Variants in ZNF654 observed in about 807,000 individuals in gnomAD.
The protein encoded by ZNF654 is melanoma-associated antigen.
In ZNF654, 19 loss-of-function variants were observed where a neutral mutation model predicts 95.3. The observed-to-expected ratio is 0.20, with a 90% confidence interval of 0.14 to 0.29. The LOEUF is 0.29. Among genes scored for constraint, ZNF654 ranks in the 10% least tolerant of loss-of-function variants. The probability of loss-of-function intolerance (pLI) is 1.00; values close to 1 mark genes in which losing one functional copy is unlikely to be tolerated. For synonymous variants in ZNF654, 413 were observed against 457.9 expected, an observed-to-expected ratio of 0.90 and a Z score of 1.25; for missense variants, 1,046 against 1,341.0, an observed-to-expected ratio of 0.78 and a Z score of 3.44.
rs1490429208 is a variant in ZNF654 at position 88,141,696 on chromosome 3, A to C, written c.*44A>C. The stretch of plus-strand genomic sequence containing the variant: ...ATCTGTCAATCAAGCAGTAGTGTGA[A>C]AAAAGCACTATAAGAAAATGCATCA... On this transcript the variant is annotated 3_prime_UTR_variant, in exon 9 of 9. Transcript: ENST00000636215. 2 of 1,446,112 alleles carry C rather than the reference A, an allele frequency of 1.4e-6. No individual in the cohort carries two copies. The highest frequency in any genetic ancestry group is 1.9e-6 in the Non-Finnish European group (2 of 1,073,428). 89.6% of individuals were successfully genotyped at this position (1,446,112 alleles called of 1,614,324 possible). A position where few individuals can be genotyped will look rare whatever the true frequency, so the allele number is the denominator to read the frequency against.
intron 1 of ZNF654, among the ~76,000 whole-genome samples, chr3:88,061,760 T>C (rs1397232470): frequency 6.6e-6 from 1 of 152,168 alleles, no homozygotes; most frequent in Non-Finnish European, 1.5e-5. Context: ...TTTTTAAAAA[T>C]TTGGTTTTCT....
chr3:88,132,670 C>T (rs1706535147), intron 6 of ZNF654, among the ~76,000 whole-genome samples: 1 of 152,208 alleles, frequency 6.6e-6, no homozygotes, highest in Non-Finnish European at 1.5e-5. Context: ...TAGGATATTG[C>T]AGTGTACCTA....
chr3:88,116,732 A>C (rs1467075461), intron 3 of ZNF654, among the ~76,000 whole-genome samples: 1 of 152,096 alleles, frequency 6.6e-6, no homozygotes, highest in South Asian at 2.1e-4. Flanking sequence ...CAGAGGTAAG[A>C]AAGTCTTATA....
At chr3:88,076,380 C>G (rs1294435487) in intron 1 of ZNF654, among the ~76,000 whole-genome samples, 6 of 152,038 alleles carry the variant, frequency 3.9e-5, no homozygotes, top group Admixed American at 3.9e-4. Flanking sequence ...TTTTTTTTCC[C>G]CATTTTCATC....
intron 1 of ZNF654, among the ~76,000 whole-genome samples, chr3:88,069,994 A>T (rs1047119190): frequency 2.6e-5 from 4 of 152,188 alleles, no homozygotes; most frequent in Admixed American, 2.6e-4. Flanking sequence ...TCGTACTGTC[A>T]TTTGACAAAT....
intron 6 of ZNF654, among the ~76,000 whole-genome samples, chr3:88,134,764 T>C (rs1211509204): frequency 6.6e-6 from 1 of 152,078 alleles, no homozygotes; most frequent in East Asian, 1.9e-4. Flanking sequence ...AATATCAGTA[T>C]TGGCACATTA....
At chr3:88,090,824 C>A (rs1708593298) in intron 2 of ZNF654, among the ~76,000 whole-genome samples, 1 of 152,036 alleles carries the variant, frequency 6.6e-6, no homozygotes, top group Admixed American at 6.6e-5. Flanking sequence ...TTGGCCCATA[C>A]ATAAAATACA....
intron 2 of ZNF654, 66 bp downstream of exon 2, chr3:88,086,468 T>C (rs1261885939): frequency 3.8e-5 from 49 of 1,292,436 alleles, no homozygotes; most frequent in Non-Finnish European, 4.7e-5. Flanking sequence ...TTGTTTTTGA[T>C]AATTTCTTCT....
intron 2 of ZNF654, among the ~76,000 whole-genome samples, chr3:88,103,175 T>TA (rs1313222597): frequency 6.6e-6 from 1 of 152,014 alleles, no homozygotes. Flanking sequence ...CATTTTTTTT[T>TA]AAAAAAGAGA....
intron 1 of ZNF654, among the ~76,000 whole-genome samples, chr3:88,067,951 T>C (rs1707295137): frequency 6.6e-6 from 1 of 152,026 alleles, no homozygotes; most frequent in Non-Finnish European, 1.5e-5. Flanking sequence ...AATGATCCAT[T>C]TGAAAGGAAG....
At chr3:88,090,053 A>G (rs1708552446) in intron 2 of ZNF654, among the ~76,000 whole-genome samples, 1 of 152,206 alleles carries the variant, frequency 6.6e-6, no homozygotes, top group African/African-American at 2.4e-5. Flanking sequence ...ATATAGAATT[A>G]TACATATAAT....
intron 1 of ZNF654, among the ~76,000 whole-genome samples, chr3:88,083,405 C>T (rs868695002): frequency 2.0e-5 from 3 of 152,182 alleles, no homozygotes; most frequent in Middle Eastern, 6.8e-3. Flanking sequence ...TATACTATAT[C>T]CCATTTAGAG....
At chr3:88,089,333 T>C (rs1280049505) in intron 2 of ZNF654, among the ~76,000 whole-genome samples, 1 of 149,834 alleles carries the variant, frequency 6.7e-6, no homozygotes, top group Non-Finnish European at 1.5e-5. Context: ...CTACTAAAAA[T>C]ACAAAAAATT....
chr3:88,110,283 G>T (rs1326909936), intron 2 of ZNF654, among the ~76,000 whole-genome samples: 1 of 151,966 alleles, frequency 6.6e-6, no homozygotes, highest in Non-Finnish European at 1.5e-5. Flanking sequence ...CTAGACCATG[G>T]GTCTGTAAAG....
intron 3 of ZNF654, 146 bp from the exon 4 acceptor site, chr3:88,125,988 C>A: frequency 1.3e-6 from 1 of 773,446 alleles, no homozygotes; most frequent in Admixed American, 3.4e-5. Context: ...GTTTCGACAC[C>A]CTACTTAGGT....
rs1383798800 is a variant in ZNF654, at chr3:88,107,093, C to A, written c.333-6022C>A. Among the ~76,000 whole-genome samples the A allele has an allele frequency of 2.6e-5, 4 of 152,098 alleles. No individual in the cohort carries two copies. The South Asian group carries it at 6.2e-4, about 24-fold the overall frequency. On this transcript the variant is annotated intron_variant, in intron 2 of 8. Coordinates refer to ENST00000636215, the MANE Select transcript of ZNF654 (RefSeq NM_001350134.2). ...CACAATTTTGTAATGAAATTGTCTA[C>A]CCCCAGAAAAACTTGAAGATACTTT...
At chr3:88,085,063 AG>A (rs1173024291) in intron 1 of ZNF654, among the ~76,000 whole-genome samples, 2 of 152,224 alleles carry the variant, frequency 1.3e-5, no homozygotes, top group African/African-American at 4.8e-5. Flanking sequence ...GAAAAGATAA[AG>A]TCAGCTAGGA....
chr3:88,116,959 T>C (rs1193392593), intron 3 of ZNF654, among the ~76,000 whole-genome samples: 1 of 152,188 alleles, frequency 6.6e-6, no homozygotes, highest in African/African-American at 2.4e-5. Flanking sequence ...TCAGTTATCA[T>C]CAGTTAACTG....
chr3:88,122,065 A>C lies in ZNF654; in HGVS notation c.415-4069A>C, dbSNP rs146918083. ...GTAATGCAAGGCCTTCCTCTTACAT[A>C]ATAATGTAGCACAAATGTTCAATAT... On this transcript the variant is annotated intron_variant, in intron 3 of 8. Transcript: ENST00000636215. 3.2e-3 allele frequency among the ~76,000 whole-genome samples: 495 copies of C among 152,348 alleles called. 4 individuals are homozygous for C. Among genetic ancestry groups the C allele is most frequent in the African/African-American group, 0.011 (461 of 41,592 alleles).
Sources: gnomAD v4.1 joint callset for allele counts (sites outside exome capture counted in the v4.1 genomes callset) on GRCh38, gnomAD v4.1.1 for gene constraint, MANE v1.5 for transcripts, NCBI Gene and HGNC (gene_info 2026-07-23, HGNC 2026-07-21) for gene names.